Variants in PKHD1 observed in about 807,000 individuals in gnomAD.
The protein encoded by PKHD1 is fibrocystin.
In PKHD1, 291 loss-of-function variants were observed where a neutral mutation model predicts 412.0. The ratio of observed to expected loss-of-function variants is 0.71; its 90% confidence interval spans 0.64 to 0.78. The LOEUF is 0.78. Among genes scored for constraint, PKHD1 ranks in the 30% least tolerant of loss-of-function variants. The pLI, the probability that PKHD1 is intolerant of heterozygous loss-of-function variation, is 0.00. For synonymous variants in PKHD1, 1,777 were observed against 1,821.5 expected (o/e 0.98, Z 0.62); for missense variants, 4,825 against 4,950.7 (o/e 0.97, Z 0.76).
intron 60 of PKHD1, among the ~76,000 whole-genome samples, chr6:51,665,016 T>G (rs990582231): frequency 2.0e-5 from 3 of 152,246 alleles, no homozygotes; most frequent in African/African-American, 7.2e-5. Flanking sequence ...ATGAAAAATA[T>G]ACTCATTTTG....
intron 40 of PKHD1, among the ~76,000 whole-genome samples, chr6:51,908,786 A>AT (rs1255534308): frequency 5.9e-5 from 9 of 152,092 alleles, no homozygotes; most frequent in African/African-American, 2.2e-4. Context: ...GTTTCAGCCC[A>AT]TTCCCCCTCA....
chr6:51,676,951 G>C (rs1775950420), intron 60 of PKHD1, among the ~76,000 whole-genome samples: 1 of 152,108 alleles, frequency 6.6e-6, no homozygotes, highest in African/African-American at 2.4e-5. Context: ...TTCTTAAGCA[G>C]AATAGATTCA....
chr6:52,065,881 C>T, intron 12 of PKHD1, 95 bp downstream of exon 12: 1 of 750,792 alleles, frequency 1.3e-6, no homozygotes. Flanking sequence ...AGGGGCAAAG[C>T]TTGCTTCCTC....
In PKHD1 at chr6:51,653,267, C is replaced by T. The variant is rs143017559; in HGVS notation, c.11175-4047G>A. On this transcript the variant is annotated intron_variant, in intron 61 of 66. Transcript: ENST00000371117. ...TGATAGATACAATTTTCTTACCTTTCATGGTCCTGATGCTCCCTTTTAAGC... is the reference window on the plus strand; with the variant it reads ...TGATAGATACAATTTTCTTACCTTTTATGGTCCTGATGCTCCCTTTTAAGC... 3.9e-3 allele frequency among the ~76,000 whole-genome samples: 589 copies of T among 152,210 alleles called. 8 individuals carry two copies. Among genetic ancestry groups the T allele is most frequent in the African/African-American group, 0.014 (567 of 41,542 alleles).
intron 52 of PKHD1, among the ~76,000 whole-genome samples, chr6:51,824,674 G>A (rs1356776660): frequency 3.9e-5 from 6 of 152,152 alleles, no homozygotes; most frequent in African/African-American, 1.2e-4. Flanking sequence ...TTCTAAAGAA[G>A]GTCAAAGGAA....
At chr6:51,636,877 T>A (rs897751318) in intron 64 of PKHD1, among the ~76,000 whole-genome samples, 1 of 152,208 alleles carries the variant, frequency 6.6e-6, no homozygotes, top group Non-Finnish European at 1.5e-5. Context: ...TTTAAACTTT[T>A]ATAAATCTCA....
intron 36 of PKHD1, among the ~76,000 whole-genome samples, chr6:51,936,191 C>G (rs958881599): frequency 6.6e-6 from 1 of 152,304 alleles, no homozygotes; most frequent in East Asian, 1.9e-4. Context: ...ATGGACATAT[C>G]TTTTTGGAGA....
chr6:52,070,789 C>CA lies in PKHD1; in HGVS notation c.667+216dup, dbSNP rs138552683. Among the ~76,000 whole-genome samples the CA allele has an allele frequency of 0.013, 1,907 of 152,118 alleles. 35 individuals carry two copies. Among genetic ancestry groups the CA allele is most frequent in the African/African-American group, 0.043 (1,764 of 41,504 alleles). ...CTTCAATTTTTCTCACCTGCAAAGCCAAAAATAATACCACCAACTTCACAG... is the reference window on the plus strand; with the variant it reads ...CTTCAATTTTTCTCACCTGCAAAGCCAAAAAATAATACCACCAACTTCACAG... On this transcript the variant is annotated intron_variant, in intron 9 of 66. Coordinates refer to ENST00000371117, the MANE Select transcript of PKHD1 (RefSeq NM_138694.4).
chr6:51,627,850 A>C (rs902021239), intron 65 of PKHD1, among the ~76,000 whole-genome samples: 1 of 152,130 alleles, frequency 6.6e-6, no homozygotes, highest in African/African-American at 2.4e-5. Context: ...TTTATTTAAT[A>C]AATTCATTCA....
intron 60 of PKHD1, among the ~76,000 whole-genome samples, chr6:51,674,092 G>C (rs1351321040): frequency 6.6e-6 from 1 of 152,212 alleles, no homozygotes; most frequent in Non-Finnish European, 1.5e-5. Flanking sequence ...TATACTAACA[G>C]TGGTGTAAAA....
chr6:52,056,936 T>A lies in PKHD1; in HGVS notation c.1556A>T (p.Asp519Val), dbSNP rs761306870. The change falls in exon 17 of 67, where the codon GAC (aspartate) becomes GTC (valine). Residue 519 changes from aspartate to valine, a missense_variant. By Grantham distance (152) the Asp-to-Val change is radical. Transcript: ENST00000371117. ...AGGGATTGGCTGACTAGAGACATTG[T>A]CCCAAGTAAGGAAGAAGTTTCCTCT... ...SGRGNFFLTW[D>V]NVSSQPIPAN... is the part of the protein sequence containing the mutation. 1 of 1,613,978 alleles carries A rather than the reference T, an allele frequency of 6.2e-7. No individual in the cohort carries two copies. The highest frequency in any genetic ancestry group is 8.5e-7 in the Non-Finnish European group (1 of 1,179,896).
chr6:51,774,803 A>C (rs1188431057), intron 54 of PKHD1, among the ~76,000 whole-genome samples: 1 of 151,778 alleles, frequency 6.6e-6, no homozygotes, highest in Non-Finnish European at 1.5e-5. Flanking sequence ...TTTTTCCACA[A>C]GGAAAAATGA....
rs540634834 is a variant in PKHD1 at position 51,782,614 on chromosome 6, T to C, written c.8441-6693A>G. On this transcript the variant is annotated intron_variant, in intron 53 of 66. Transcript: ENST00000371117. ...TTGATTAGGGAACTGTGCATCTAAA[T>C]AAACTGAACTAACCATCTATTTTGC... 2.6e-5 allele frequency among the ~76,000 whole-genome samples: 4 copies of C among 152,314 alleles called. No individual in the cohort carries two copies. In the East Asian group the frequency reaches 7.7e-4, roughly 29 times the overall value.
intron 33 of PKHD1, among the ~76,000 whole-genome samples, chr6:52,022,148 A>C (rs950282313): frequency 1.3e-5 from 2 of 152,180 alleles, no homozygotes; most frequent in African/African-American, 4.8e-5. Context: ...CAAGCTTTGC[A>C]ACTTACTCTC....
chr6:51,638,230 T>C (rs1221149950), intron 64 of PKHD1, among the ~76,000 whole-genome samples: 1 of 152,210 alleles, frequency 6.6e-6, no homozygotes, highest in Non-Finnish European at 1.5e-5. Flanking sequence ...GGCTATACGA[T>C]CACTATCTCC....
intron 13 of PKHD1, among the ~76,000 whole-genome samples, 175 bp downstream of exon 13, chr6:52,064,780 A>G (rs1489417546): frequency 6.6e-6 from 1 of 151,426 alleles, no homozygotes; most frequent in Non-Finnish European, 1.5e-5. Context: ...CACCTGAATA[A>G]AGCTAAGAGC....
chr6:51,769,277 T>C (rs1789651365), intron 55 of PKHD1, among the ~76,000 whole-genome samples: 1 of 151,724 alleles, frequency 6.6e-6, no homozygotes, highest in African/African-American at 2.4e-5. Context: ...TAAATTTATG[T>C]GAGCCAAATG....
chr6:52,035,851 ACTGCAGG>A, intron 27 of PKHD1, 130 bp from the exon 28 acceptor site: 2 of 902,488 alleles, frequency 2.2e-6, no homozygotes, highest in Admixed American at 2.0e-5. Flanking sequence ...CAATGCTCAA[ACTGCAGG>A]AAAAAAACTG....
intron 36 of PKHD1, among the ~76,000 whole-genome samples, chr6:51,943,087 T>A (rs991287896): frequency 2.0e-5 from 3 of 151,566 alleles, no homozygotes; most frequent in Non-Finnish European, 4.4e-5. Flanking sequence ...ATTCCTCAGT[T>A]TGGGCTTCCC....
Sources: allele counts gnomAD v4.1 joint callset (sites outside exome capture counted in the v4.1 genomes callset), GRCh38; gene constraint gnomAD v4.1.1; transcripts MANE v1.5; gene names NCBI Gene and HGNC (gene_info 2026-07-23, HGNC 2026-07-21).